COBL: variants seen among roughly 807,000 people sequenced by gnomAD.
COBL encodes the protein protein cordon-bleu.
Under a neutral mutation model 98.8 loss-of-function variants are expected in COBL, and 51 were observed. The ratio of observed to expected loss-of-function variants is 0.52; its 90% CI spans 0.41 to 0.65. COBL has a LOEUF of 0.65. Ranked by LOEUF, COBL falls within the 30% of genes least tolerant of loss-of-function variation. The pLI, the probability that COBL is intolerant of heterozygous loss-of-function variation, is 0.00. For synonymous variants in COBL, 634 were observed against 651.7 expected (o/e 0.97, Z 0.41); for missense variants, 1,617 against 1,617.5 (o/e 1.00, Z 0.01).
In COBL at chr7:51,136,176, T is replaced by C; in HGVS notation, c.939A>G (p.Gln313=). 6.2e-7 allele frequency: 1 copy of C among 1,612,402 alleles called. No individual in the cohort carries two copies. The highest frequency in any genetic ancestry group is 8.5e-7 in the Non-Finnish European group (1 of 1,179,924). ...GCCCTACCTTTTCCGATGCCTTGTCTTGCACAGGTGGCCCTGAACCTGGAG... is the reference window on the plus strand; with the variant it reads ...GCCCTACCTTTTCCGATGCCTTGTCCTGCACAGGTGGCCCTGAACCTGGAG... ...PPPPGSGPPV[Q]DKASEKVSLG... is the part of the protein sequence containing the mutation. The change falls in exon 6 of 13, where the codon CAA becomes CAG. Residue 313 remains glutamine, a synonymous_variant. Coordinates refer to ENST00000265136, the MANE Select transcript of COBL (RefSeq NM_015198.5).
intron 6 of COBL, among the ~76,000 whole-genome samples, chr7:51,133,483 C>T (rs1025987737): frequency 2.0e-5 from 3 of 152,210 alleles, no homozygotes; most frequent in Admixed American, 6.5e-5. Context: ...TTCACCGGAG[C>T]GGCAGCACTT....
intron 5 of COBL, chr7:51,172,356 C>T: frequency 1.4e-6 from 1 of 705,540 alleles, no homozygotes; most frequent in Non-Finnish European, 2.0e-6. Context: ...AAACAAATCA[C>T]CAAACTAAAC....
chr7:51,153,846 T>C (rs1236048161), intron 5 of COBL, among the ~76,000 whole-genome samples: 1 of 152,200 alleles, frequency 6.6e-6, no homozygotes, highest in Non-Finnish European at 1.5e-5. Context: ...GCTAACGTTT[T>C]TATTTCCCAG....
chr7:51,315,168 A>AT (rs1803419831), intron 1 of COBL, among the ~76,000 whole-genome samples: 1 of 152,054 alleles, frequency 6.6e-6, no homozygotes, highest in Non-Finnish European at 1.5e-5. Flanking sequence ...TGGGATGCCT[A>AT]TTACCATGAA....
At chr7:51,156,651 A>G (rs1583993342) in intron 5 of COBL, 14 of 903,942 alleles carry the variant, frequency 1.5e-5, no homozygotes, top group Non-Finnish European at 1.7e-5. Flanking sequence ...TGTTCAGGCT[A>G]TTTTTAAACA....
chr7:51,238,646 C>T (rs1584273110), intron 1 of COBL, among the ~76,000 whole-genome samples: 2 of 80,176 alleles, frequency 2.5e-5, no homozygotes, highest in African/African-American at 1.2e-4. Context: ...TTTGAATACA[C>T]ACTAGCCAGT....
At chr7:51,200,883 T>C (rs921691064) in intron 2 of COBL, among the ~76,000 whole-genome samples, 2 of 152,080 alleles carry the variant, frequency 1.3e-5, no homozygotes, top group African/African-American at 4.8e-5. Flanking sequence ...AAGAGACTCA[T>C]TTTAGATTTA....
Position 51,203,335 on chromosome 7 carries a change from G to A in COBL, c.246-9746C>T, listed in dbSNP as rs1471071770. ...AAATTAGCCGGGTGTAGTGGCGGGC[G>A]CCTGTAGTCCCAGCTACTCGGGAGG... On this transcript the variant is annotated intron_variant, in intron 2 of 12. Coordinates refer to ENST00000265136, the MANE Select transcript of COBL (RefSeq NM_015198.5). Among the ~76,000 whole-genome samples the A allele has an allele frequency of 1.0e-4, 14 of 137,164 alleles. 2 individuals are homozygous for A. The highest frequency in any genetic ancestry group is 2.0e-4 in the East Asian group (1 of 4,914). The allele number at this position is 137,164 out of a possible 152,430, so 90.0% of individuals were successfully genotyped here.
intron 7 of COBL, among the ~76,000 whole-genome samples, chr7:51,083,815 G>C (rs1156850554): frequency 2.0e-5 from 3 of 152,152 alleles, no homozygotes; most frequent in Non-Finnish European, 1.5e-5. Flanking sequence ...CAAGCACATG[G>C]GACACAAGGA....
chr7:51,184,893 G>A (rs1201552733), intron 4 of COBL, among the ~76,000 whole-genome samples: 3 of 152,162 alleles, frequency 2.0e-5, no homozygotes, highest in Non-Finnish European at 2.9e-5. Context: ...TCCAGAAAAT[G>A]GAGTAACAGC....
intron 2 of COBL, among the ~76,000 whole-genome samples, chr7:51,209,458 G>T (rs1180156317): frequency 6.6e-6 from 1 of 152,158 alleles, no homozygotes; most frequent in South Asian, 2.1e-4. Context: ...GGGCGTGCAG[G>T]TTAATAACTA....
chr7:51,223,868 AG>A (rs1389624987), intron 1 of COBL, among the ~76,000 whole-genome samples: 1 of 152,246 alleles, frequency 6.6e-6, no homozygotes, highest in Non-Finnish European at 1.5e-5. Flanking sequence ...CAATTCTAGA[AG>A]GCAGCAAGGA....
chr7:51,232,048 C>T (rs938114879), intron 1 of COBL, among the ~76,000 whole-genome samples: 8 of 152,176 alleles, frequency 5.3e-5, no homozygotes, highest in African/African-American at 1.9e-4. Flanking sequence ...TCAGAAGAGG[C>T]TGAACTTCCT....
chr7:51,103,183 T>C (rs1304200649), intron 6 of COBL, among the ~76,000 whole-genome samples: 3 of 152,248 alleles, frequency 2.0e-5, no homozygotes, highest in African/African-American at 7.2e-5. Context: ...AGAGTATCAA[T>C]GACCATGCTT....
intron 2 of COBL, among the ~76,000 whole-genome samples, chr7:51,203,417 G>A (rs1397898023): frequency 3.9e-5 from 4 of 103,296 alleles, no homozygotes; most frequent in African/African-American, 1.0e-4. Context: ...AGCCGAGATC[G>A]CGCCACTGCA....
intron 6 of COBL, among the ~76,000 whole-genome samples, chr7:51,118,730 A>T (rs1489212566): frequency 6.6e-6 from 1 of 152,164 alleles, no homozygotes; most frequent in African/African-American, 2.4e-5. Flanking sequence ...TAACTTCCCC[A>T]AGGTTGTATA....
intron 5 of COBL, among the ~76,000 whole-genome samples, chr7:51,165,575 A>G (rs1787232619): frequency 6.6e-6 from 1 of 152,016 alleles, no homozygotes; most frequent in African/African-American, 2.4e-5. Context: ...AAAAAGCAAC[A>G]AAGAAACATC....
intron 7 of COBL, among the ~76,000 whole-genome samples, chr7:51,055,986 T>C (rs777643939): frequency 7.2e-5 from 11 of 152,308 alleles, no homozygotes; most frequent in Non-Finnish European, 1.5e-4. Flanking sequence ...CCCATCTCAG[T>C]GCTCTTCACA....
rs1286626536 is a variant in COBL at position 51,088,291 on chromosome 7, T to C, written c.958-2987A>G. Among the ~76,000 whole-genome samples the C allele has an allele frequency of 3.3e-5, 5 of 152,250 alleles. No individual in the cohort carries two copies. The East Asian group carries it at 9.7e-4, about 29-fold the overall frequency. On this transcript the variant is annotated intron_variant, in intron 6 of 12. Coordinates refer to ENST00000265136, the MANE Select transcript of COBL (RefSeq NM_015198.5). ...TTAATTCAACACTGAGGATTCTAAT[T>C]CAATTGTCTATTTTTTTCTTGAGTA...
Sources: gnomAD v4.1 joint callset for allele counts (sites outside exome capture counted in the v4.1 genomes callset) on GRCh38, gnomAD v4.1.1 for gene constraint, MANE v1.5 for transcripts, NCBI Gene and HGNC (gene_info 2026-07-23, HGNC 2026-07-21) for gene names.